The following CNOT8 variants were observed in gnomAD, a reference collection of about 807,000 sequenced individuals.
The protein encoded by CNOT8 is CAF1-like protein.
A neutral mutation model predicts 34.6 loss-of-function variants in CNOT8; 18 were observed. That is an observed-to-expected ratio of 0.52 (90% CI 0.36 to 0.77). CNOT8 has a LOEUF of 0.77. Ranked by LOEUF, CNOT8 falls within the 30% of genes least tolerant of loss-of-function variation. The pLI, the probability that CNOT8 is intolerant of heterozygous loss-of-function variation, is 0.00. For missense variants in CNOT8, 189 were observed against 347.9 expected (o/e 0.54, Z 3.63); for synonymous variants, 101 against 118.8 (o/e 0.85, Z 0.98).
At chr5:154,864,138 T>C (rs897449554) in intron 2 of CNOT8, among the ~76,000 whole-genome samples, 7 of 152,210 alleles carry the variant, frequency 4.6e-5, no homozygotes, top group African/African-American at 1.7e-4. Flanking sequence ...TTACATTAGC[T>C]GCTTGGAGTT....
chr5:154,867,533 A>G (rs1426473996), intron 3 of CNOT8, among the ~76,000 whole-genome samples: 2 of 152,228 alleles, frequency 1.3e-5, no homozygotes, highest in African/African-American at 4.8e-5. Flanking sequence ...AACCATTAGC[A>G]GGAATAGACT....
chr5:154,868,784 T>C (rs1464183972), intron 3 of CNOT8, among the ~76,000 whole-genome samples: 3 of 152,242 alleles, frequency 2.0e-5, no homozygotes, highest in African/African-American at 7.2e-5. Context: ...GGTCCTCTTC[T>C]GGGCTTCCTA....
intron 3 of CNOT8, among the ~76,000 whole-genome samples, chr5:154,869,667 C>A (rs564679826): frequency 6.9e-6 from 1 of 143,918 alleles, no homozygotes; most frequent in Admixed American, 7.2e-5. Context: ...GCTCTGTCAT[C>A]AGGCTGGAGC....
chr5:154,867,695 TAAGA>T (rs1397971846), intron 3 of CNOT8: 3 of 281,694 alleles, frequency 1.1e-5, no homozygotes, highest in Non-Finnish European at 2.1e-5. Flanking sequence ...TCACTAGATA[TAAGA>T]AAGAAAAAGT....
chr5:154,876,311 G>A lies in CNOT8; in HGVS notation c.*872G>A, dbSNP rs185251544. The A allele has an allele frequency of 2.0e-4, 31 of 152,300 alleles. No individual in the cohort carries two copies. The highest frequency in any genetic ancestry group is 7.2e-4 in the African/African-American group (30 of 41,566). The allele number at this position is 152,300 out of a possible 1,614,324, so 9.4% of individuals were successfully genotyped here. On this transcript the variant is annotated 3_prime_UTR_variant, in exon 7 of 7. Coordinates refer to ENST00000285896, the MANE Select transcript of CNOT8 (RefSeq NM_001301073.2). ...GTAATGTGATTTCAGATGGTCATCT[G>A]GATTCTCCCACTTCTCTACTCCATT...
At chr5:154,871,218 T>C (rs1354059833) in intron 4 of CNOT8, among the ~76,000 whole-genome samples, 2 of 152,198 alleles carry the variant, frequency 1.3e-5, no homozygotes, top group African/African-American at 4.8e-5. Flanking sequence ...ACCCCTTGGG[T>C]ACTTTTTTAT....
At chr5:154,872,977 C>T (rs1399366487) in intron 6 of CNOT8, among the ~76,000 whole-genome samples, 2 of 152,210 alleles carry the variant, frequency 1.3e-5, no homozygotes, top group African/African-American at 4.8e-5. Flanking sequence ...CCATGTTGGC[C>T]AGGCTGGTTT....
chr5:154,876,710 T>C lies in CNOT8; in HGVS notation c.*1271T>C, dbSNP rs1762945315. Reference sequence around the variant, plus strand: ...GAAATGATTAGAAAATGTCAAGTATTATAAGCTGGTATTTAAGATGCTTGT... The same window carrying C: ...GAAATGATTAGAAAATGTCAAGTATCATAAGCTGGTATTTAAGATGCTTGT... On this transcript the variant is annotated 3_prime_UTR_variant, in exon 7 of 7. Transcript: ENST00000285896. The C allele has an allele frequency of 1.3e-5, 2 of 152,686 alleles. No homozygotes were observed. Among genetic ancestry groups the C allele is most frequent in the Non-Finnish European group, 2.9e-5 (2 of 68,048 alleles). The allele number at this position is 152,686 out of a possible 1,614,324, so 9.5% of individuals were successfully genotyped here. A position where few individuals can be genotyped will look rare whatever the true frequency, so the allele number is the denominator to read the frequency against.
chr5:154,863,386 T>C lies in CNOT8; in HGVS notation c.108T>C (p.Tyr36=), dbSNP rs199579283. The C allele has an allele frequency of 1.9e-4, 308 of 1,609,452 alleles. No individual in the cohort carries two copies. The highest frequency in any genetic ancestry group is 2.4e-4 in the Non-Finnish European group (288 of 1,175,800). ...KIREIVLSYS[Y]IAMDTEFPGV... is the part of the protein sequence containing the mutation. ...GAGAAATCGTGCTCAGTTACAGTTA[T>C]ATTGCCATGGTAAGGAGCTCTACTC... Residue 36 remains tyrosine (Y), a synonymous_variant, in exon 2 of 7, where the codon TAT becomes TAC. Coordinates refer to ENST00000285896, the MANE Select transcript of CNOT8 (RefSeq NM_001301073.2).
chr5:154,873,129 C>T (rs1392277057), intron 6 of CNOT8, among the ~76,000 whole-genome samples: 2 of 152,198 alleles, frequency 1.3e-5, no homozygotes, highest in Non-Finnish European at 2.9e-5. Flanking sequence ...TGGTCTCGAA[C>T]TCCTGACCTC....
At position 154,875,478 on chromosome 5, in the gene CNOT8, G is replaced by GGTGCTTACT. The variant is rs1420971298; in HGVS notation, c.*45_*53dup. The GGTGCTTACT allele has an allele frequency of 6.2e-7, 1 of 1,606,980 alleles. No individual in the cohort carries two copies. The highest frequency in any genetic ancestry group is 1.7e-5 in the Admixed American group (1 of 59,652). ...TGCAGGGTGGGCCTGATCCCAGAGT[G>GGTGCTTACT]GTGCTTACTGTGCTGACTGTGTACT... On this transcript the variant is annotated 3_prime_UTR_variant, in exon 7 of 7. Coordinates refer to ENST00000285896, the MANE Select transcript of CNOT8 (RefSeq NM_001301073.2).
intron 1 of CNOT8, among the ~76,000 whole-genome samples, chr5:154,860,240 C>T (rs1026172700): frequency 6.6e-6 from 1 of 152,152 alleles, no homozygotes; most frequent in African/African-American, 2.4e-5. Context: ...ATCTTAGGCT[C>T]ATTTTGGAGC....
Position 154,869,900 on chromosome 5 carries a change from G to A in CNOT8, c.312-761G>A, listed in dbSNP as rs147957499. 5.4e-3 allele frequency among the ~76,000 whole-genome samples: 826 copies of A among 152,302 alleles called. 6 individuals carry two copies. Among genetic ancestry groups the A allele is most frequent in the African/African-American group, 0.019 (776 of 41,574 alleles). The stretch of plus-strand genomic sequence containing the variant: ...GGCCTCCCAAATTTCTGGGATTACA[G>A]GCATGAGCCACCACGCCTGGCCTAA... On this transcript the variant is annotated intron_variant, in intron 3 of 6. Coordinates refer to ENST00000285896, the MANE Select transcript of CNOT8 (RefSeq NM_001301073.2).
In CNOT8 at chr5:154,874,290, GT is replaced by G. The variant is rs543907145; in HGVS notation, c.730-997del. On this transcript the variant is annotated intron_variant, in intron 6 of 6. Transcript: ENST00000285896. Reference sequence around the variant, plus strand: ...TGAAAAGACTGCATTAAAAGGAAAGGTTTAGGCCGGGTGCGGTGGCTCACAC... The same window carrying G: ...TGAAAAGACTGCATTAAAAGGAAAGGTTAGGCCGGGTGCGGTGGCTCACAC... Among the ~76,000 whole-genome samples, 432 of 152,070 alleles carry G rather than the reference GT, an allele frequency of 2.8e-3. 4 individuals are homozygous for G. Among genetic ancestry groups the G allele is most frequent in the Non-Finnish European group, 4.7e-3 (318 of 68,000 alleles).
rs1762880524 is a variant in CNOT8 at position 154,875,712 on chromosome 5, G to A, written c.*273G>A. On this transcript the variant is annotated 3_prime_UTR_variant, in exon 7 of 7. Coordinates refer to ENST00000285896, the MANE Select transcript of CNOT8 (RefSeq NM_001301073.2). ...TTGCCTCCTGCCACCAGCATCCATG[G>A]CTCATTTGACACCTTTTTAAATATC... 5.9e-6 allele frequency: 2 copies of A among 337,902 alleles called. No individual in the cohort carries two copies. Among genetic ancestry groups the A allele is most frequent in the East Asian group, 1.2e-4 (2 of 17,130 alleles). The allele number at this position is 337,902 out of a possible 1,614,324, so 20.9% of individuals were successfully genotyped here.
In CNOT8 at chr5:154,870,792, G is replaced by C; in HGVS notation, c.443G>C (p.Cys148Ser). Residue 148 changes from cysteine (C) to serine (S), a missense_variant, in exon 4 of 7, where the codon TGT becomes TCT. By Grantham distance (112) the Cys-to-Ser change is moderately radical. Around this residue, in one of 2 missense-constraint regions of CNOT8, gnomAD observed 160 missense variants for 321.9 expected, o/e 0.50. Transcript: ENST00000285896. ...CTTATGACATCAGGAGTGGTTCTCTGTGACAATGTCAAATGGCTTTCATTT... is the reference window on the plus strand; with the variant it reads ...CTTATGACATCAGGAGTGGTTCTCTCTGACAATGTCAAATGGCTTTCATTT... ...ELLMTSGVVLCDNVKWLSFHS... is the reference protein window; with the variant it reads ...ELLMTSGVVLSDNVKWLSFHS... 1 of 1,613,966 alleles carries C rather than the reference G, an allele frequency of 6.2e-7. No homozygotes were observed. The highest frequency in any genetic ancestry group is 8.5e-7 in the Non-Finnish European group (1 of 1,179,942).
chr5:154,872,424 T>G, intron 5 of CNOT8, 117 bp from the exon 6 acceptor site: 2 of 572,862 alleles, frequency 3.5e-6, no homozygotes, highest in Non-Finnish European at 6.3e-6. Context: ...GCCTGTTAAA[T>G]AAATGGCCTG....
At chr5:154,868,794 A>G (rs940146698) in intron 3 of CNOT8, among the ~76,000 whole-genome samples, 4 of 152,110 alleles carry the variant, frequency 2.6e-5, no homozygotes, top group Non-Finnish European at 4.4e-5. Context: ...TGGGCTTCCT[A>G]CGCCACTTGA....
At chr5:154,874,765 C>G (rs539248560) in intron 6 of CNOT8, among the ~76,000 whole-genome samples, 1 of 151,956 alleles carries the variant, frequency 6.6e-6, no homozygotes, top group East Asian at 2.0e-4. Context: ...GAACTCCTGA[C>G]CTCGTAATCC....
Sources: gnomAD v4.1 joint callset for allele counts (sites outside exome capture counted in the v4.1 genomes callset) on GRCh38, gnomAD v4.1.1 for gene constraint, gnomAD v4.1.1 regional missense constraint, MANE v1.5 for transcripts, NCBI Gene and HGNC (gene_info 2026-07-23, HGNC 2026-07-21) for gene names.